ZNF775: variants seen among roughly 807,000 people sequenced by gnomAD.
The protein encoded by ZNF775 is zinc finger protein 775.
Under a neutral mutation model 2.4 loss-of-function variants are expected in ZNF775, and 1 was observed. That is an observed-to-expected ratio of 0.41 (90% confidence interval 0.15 to 1.94). ZNF775 has a LOEUF of 1.94. Ranked by LOEUF, ZNF775 falls within the 30% of genes most tolerant of loss-of-function variation. The pLI, the probability that ZNF775 is intolerant of heterozygous loss-of-function variation, is 0.30. For synonymous variants in ZNF775, 381 were observed against 373.3 expected (o/e 1.02, Z -0.24); for missense variants, 823 against 826.6 (o/e 1.00, Z 0.05).
chr7:150,394,298 TG>T (rs1280004038), intron 2 of ZNF775, among the ~76,000 whole-genome samples: 1 of 152,234 alleles, frequency 6.6e-6, no homozygotes, highest in Non-Finnish European at 1.5e-5. Flanking sequence ...TTTTAAAAAG[TG>T]ATTTTTGTAT....
In ZNF775 at chr7:150,397,358, T is replaced by C; in HGVS notation, c.877T>C (p.Trp293Arg). ...CNECGKSFTW[W>R]SSLNIHQRIH... ...CGAGTGTGGCAAGAGCTTCACCTGG[T>C]GGTCGTCGCTGAACATCCACCAGCG... The change falls in exon 3 of 3, where the codon TGG (tryptophan) becomes CGG (arginine). Residue 293 changes from tryptophan to arginine, a missense_variant. Trp to Arg is a moderately radical substitution (Grantham distance 101). Coordinates refer to ENST00000329630, the MANE Select transcript of ZNF775 (RefSeq NM_173680.4). 1 of 1,593,098 alleles carries C rather than the reference T, an allele frequency of 6.3e-7. No homozygotes were observed. The highest frequency in any genetic ancestry group is 8.5e-7 in the Non-Finnish European group (1 of 1,173,974).
intron 1 of ZNF775, among the ~76,000 whole-genome samples, chr7:150,381,819 G>C (rs866122261): frequency 2.2e-4 from 33 of 152,224 alleles, no homozygotes; most frequent in African/African-American, 7.0e-4. Context: ...ATTGAGGACT[G>C]GGGTGTTTGG....
chr7:150,386,227 T>C (rs1300542373), intron 1 of ZNF775, among the ~76,000 whole-genome samples: 1 of 152,202 alleles, frequency 6.6e-6, no homozygotes, highest in Non-Finnish European at 1.5e-5. Flanking sequence ...TGAACCACCG[T>C]GCCCAGCCTT....
At position 150,384,079 on chromosome 7, in the gene ZNF775, G is replaced by A. The variant is rs1385190201; in HGVS notation, c.-49-4343G>A. ...TGGTCTTCAGTTGTCATGGCAGCTGGGCCCAGGCTGAGGCCTGCCCACTGT... is the reference window on the plus strand; with the variant it reads ...TGGTCTTCAGTTGTCATGGCAGCTGAGCCCAGGCTGAGGCCTGCCCACTGT... On this transcript the variant is annotated intron_variant, in intron 1 of 2. Coordinates refer to ENST00000329630, the MANE Select transcript of ZNF775 (RefSeq NM_173680.4). This position sits in a 1 kb window ranked among gnomAD's most constrained non-coding sequence, Gnocchi z 4.1. 1.3e-5 allele frequency among the ~76,000 whole-genome samples: 2 copies of A among 152,208 alleles called. No homozygotes were observed. The highest frequency in any genetic ancestry group is 4.8e-5 in the African/African-American group (2 of 41,454).
intron 1 of ZNF775, among the ~76,000 whole-genome samples, chr7:150,387,920 G>A (rs1005406184): frequency 5.9e-5 from 9 of 152,220 alleles, no homozygotes; most frequent in African/African-American, 1.9e-4. Context: ...TCCCCAGAGG[G>A]ATTTGTGCTA....
intron 2 of ZNF775, among the ~76,000 whole-genome samples, chr7:150,394,484 C>T (rs1176096537): frequency 6.6e-6 from 1 of 152,216 alleles, no homozygotes; most frequent in Non-Finnish European, 1.5e-5. Flanking sequence ...GGACAGCCGG[C>T]TGATTTCAGG....
rs760019044 is a variant in ZNF775 at position 150,397,734 on chromosome 7, G to C, written c.1253G>C (p.Ser418Thr). The C allele has an allele frequency of 1.4e-6, 2 of 1,450,228 alleles. No homozygotes were observed. Among genetic ancestry groups the C allele is most frequent in the Non-Finnish European group, 1.8e-6 (2 of 1,109,704 alleles). The allele number at this position is 1,450,228 out of a possible 1,614,324, so 89.8% of individuals were successfully genotyped here. The change falls in exon 3 of 3, where the codon AGC becomes ACC. Residue 418 changes from serine to threonine, a missense_variant. By Grantham distance (58) the Ser-to-Thr change is moderately conservative (BLOSUM62 1). Coordinates refer to ENST00000329630, the MANE Select transcript of ZNF775 (RefSeq NM_173680.4). ...CCGGGCTTGGCCGCGAGGCCGCGGA[G>C]CTCCCAACGGTCCCCGGGGGCCCGG... ...AIPGLAARPRSSQRSPGARDT... is the reference protein window; with the variant it reads ...AIPGLAARPRTSQRSPGARDT...
Position 150,398,127 on chromosome 7 carries a change from C to G in ZNF775, c.*32C>G, listed in dbSNP as rs1431960437. On this transcript the variant is annotated 3_prime_UTR_variant, in exon 3 of 3. Coordinates refer to ENST00000329630, the MANE Select transcript of ZNF775 (RefSeq NM_173680.4). ...GGACCTCAGCGGACCCGTGGTGGTG[C>G]GGGGGATGTTTGCGGGGTGTGTGTG... The G allele has an allele frequency of 2.0e-6, 3 of 1,533,302 alleles. No individual in the cohort carries two copies. In the African/African-American group the frequency reaches 4.1e-5, roughly 21 times the overall value. 95.0% of individuals were successfully genotyped at this position (1,533,302 alleles called of 1,614,324 possible).
At chr7:150,395,443 G>C (rs556159344) in intron 2 of ZNF775, among the ~76,000 whole-genome samples, 1 of 152,250 alleles carries the variant, frequency 6.6e-6, no homozygotes, top group Non-Finnish European at 1.5e-5. Context: ...TTGGAAAGGT[G>C]CATGGATCAC....
Position 150,396,555 on chromosome 7 carries a change from G to GCTGCT in ZNF775, c.74_75insCTGCT (p.Leu26CysfsTer73). On this transcript the variant is annotated frameshift_variant, in exon 3 of 3. Coordinates refer to ENST00000329630, the MANE Select transcript of ZNF775 (RefSeq NM_173680.4). LOFTEE classifies it low-confidence loss of function (END_TRUNC). Reference sequence around the variant, plus strand: ...AAGGTCAAGCAGGAGAAGCCGGAGCGGCTGCTGCAGACGCTGGCGCCGCAG... The same window carrying GCTGCT: ...AAGGTCAAGCAGGAGAAGCCGGAGCGCTGCTGCTGCTGCAGACGCTGGCGCCGCAG... 7 of 1,604,518 alleles carry GCTGCT rather than the reference G, an allele frequency of 4.4e-6. No homozygotes were observed. In the Admixed American group the frequency reaches 1.2e-4, roughly 27 times the overall value.
At position 150,396,741 on chromosome 7, in the gene ZNF775, G is replaced by T. The variant is rs755570546; in HGVS notation, c.260G>T (p.Arg87Leu). 2 of 1,588,928 alleles carry T rather than the reference G, an allele frequency of 1.3e-6. No individual in the cohort carries two copies. Among genetic ancestry groups the T allele is most frequent in the Non-Finnish European group, 8.6e-7 (1 of 1,168,234 alleles). ...GAGCAGGATGCGGGGCTGGCAGGCC[G>T]GGCTCCCGGGTCAGCCTCCGGCCCC... Reference protein sequence around the residue: ...PTEQDAGLAGRAPGSASGPLS... With the variant: ...PTEQDAGLAGLAPGSASGPLS... Residue 87 changes from arginine (R) to leucine (L), a missense_variant, in exon 3 of 3, where the codon CGG (arginine) becomes CTG (leucine). Transcript: ENST00000329630.
chr7:150,396,182 A>G (rs1344645471), intron 2 of ZNF775, among the ~76,000 whole-genome samples: 4 of 152,124 alleles, frequency 2.6e-5, no homozygotes, highest in African/African-American at 9.7e-5. Flanking sequence ...AGGGTGGAGA[A>G]GGCAGAGCAG....
At chr7:150,387,304 A>G (rs2129620986) in intron 1 of ZNF775, among the ~76,000 whole-genome samples, 1 of 151,388 alleles carries the variant, frequency 6.6e-6, no homozygotes, top group Non-Finnish European at 1.5e-5. Flanking sequence ...TCAAAAAAAA[A>G]AAAAAAAAAG....
Position 150,382,446 on chromosome 7 carries a change from G to A in ZNF775, c.-50+3054G>A, listed in dbSNP as rs1800382267. Among the ~76,000 whole-genome samples, 1 of 152,192 alleles carries A rather than the reference G, an allele frequency of 6.6e-6. No individual in the cohort carries two copies. Among genetic ancestry groups the A allele is most frequent in the African/African-American group, 2.4e-5 (1 of 41,458 alleles). On this transcript the variant is annotated intron_variant, in intron 1 of 2. Transcript: ENST00000329630. This position sits in a 1 kb window ranked among gnomAD's most constrained non-coding sequence, Gnocchi z 4.6. ...TCAGTGGTGGGTGGGCTGGGACTTG[G>A]GGTTCTTGATTAAGACATGGGGTCC... is the stretch of plus-strand genomic sequence containing the variant.
At chr7:150,388,609 TA>T in intron 2 of ZNF775, 108 bp downstream of exon 2, 1 of 1,240,490 alleles carries the variant, frequency 8.1e-7, no homozygotes, top group Non-Finnish European at 1.2e-6. Flanking sequence ...AGCCAGTAGC[TA>T]GTACATCCCA....
rs1800668914 is a variant in ZNF775 at position 150,396,883 on chromosome 7, G to A, written c.402G>A (p.Pro134=). The A allele has an allele frequency of 1.9e-6, 3 of 1,602,524 alleles. No homozygotes were observed. Among genetic ancestry groups the A allele is most frequent in the African/African-American group, 1.3e-5 (1 of 74,856 alleles). ...IHQRTHTGEK[P]YLCGKCGKSF... is the part of the protein sequence containing the mutation. ...AGCGCACCCACACCGGGGAGAAGCC[G>A]TACCTCTGCGGCAAGTGCGGCAAGA... The change falls in exon 3 of 3, where the codon CCG becomes CCA. Residue 134 remains proline, a synonymous_variant. Transcript: ENST00000329630.
chr7:150,397,356 G>C lies in ZNF775; in HGVS notation c.875G>C (p.Trp292Ser). ...AACGAGTGTGGCAAGAGCTTCACCTGGTGGTCGTCGCTGAACATCCACCAG... is the reference window on the plus strand; with the variant it reads ...AACGAGTGTGGCAAGAGCTTCACCTCGTGGTCGTCGCTGAACATCCACCAG... ...ICNECGKSFT[W>S]WSSLNIHQRI... Residue 292 changes from tryptophan to serine, a missense_variant, in exon 3 of 3, where the codon TGG (tryptophan) becomes TCG (serine). Physicochemically the swap from Trp to Ser is radical, Grantham distance 177 (BLOSUM62 -3). Coordinates refer to ENST00000329630, the MANE Select transcript of ZNF775 (RefSeq NM_173680.4). 6.3e-7 allele frequency: 1 copy of C among 1,594,430 alleles called. No individual in the cohort carries two copies. Among genetic ancestry groups the C allele is most frequent in the South Asian group, 1.1e-5 (1 of 90,802 alleles).
In ZNF775 at chr7:150,397,708, C is replaced by T. The variant is rs766731731; in HGVS notation, c.1227C>T (p.Ile409=). ...EPGDQPQAEA[I]PGLAARPRSS... ...GCGACCAGCCGCAGGCCGAGGCCAT[C>T]CCGGGCTTGGCCGCGAGGCCGCGGA... Residue 409 remains isoleucine (I), a synonymous_variant, in exon 3 of 3, where the codon ATC becomes ATT. Coordinates refer to ENST00000329630, the MANE Select transcript of ZNF775 (RefSeq NM_173680.4). 2.1e-6 allele frequency: 3 copies of T among 1,400,362 alleles called. No individual in the cohort carries two copies. Among genetic ancestry groups the T allele is most frequent in the South Asian group, 1.5e-5 (1 of 65,474 alleles). The allele number at this position is 1,400,362 out of a possible 1,614,324, so 86.7% of individuals were successfully genotyped here.
At chr7:150,391,154 C>T (rs1383203720) in intron 2 of ZNF775, among the ~76,000 whole-genome samples, 1 of 152,296 alleles carries the variant, frequency 6.6e-6, no homozygotes, top group East Asian at 1.9e-4. Context: ...CCTGGACTTG[C>T]ACTGTCCAGC....
Sources: allele counts gnomAD v4.1 joint callset (sites outside exome capture counted in the v4.1 genomes callset), GRCh38; gene constraint gnomAD v4.1.1; non-coding constraint Gnocchi (gnomAD v3.1); transcripts MANE v1.5; gene names NCBI Gene and HGNC (gene_info 2026-07-23, HGNC 2026-07-21).